The following CCR3 variants were observed in gnomAD, a reference collection of about 807,000 sequenced individuals.
The protein encoded by CCR3 is C-C chemokine receptor type 3.
For synonymous variants in CCR3, 203 were observed against 179.2 expected (o/e 1.13, Z -1.06); for missense variants, 419 against 437.5 (o/e 0.96, Z 0.38).
At chr3:46,241,524 C>A (rs1700085393), upstream of CCR3, among the ~76,000 whole-genome samples, 1 of 152,224 alleles carries the variant, frequency 6.6e-6, no homozygotes, top group Non-Finnish European at 1.5e-5. Flanking sequence ...TCTACCCACA[C>A]TTTACATTTC....
chr3:46,223,921 A>G (rs899499696), intron 2 of CCR3, among the ~76,000 whole-genome samples: 5 of 152,138 alleles, frequency 3.3e-5, no homozygotes, highest in Admixed American at 6.5e-5. Context: ...GGTGTCGGTA[A>G]ATAGAGTCTC....
chr3:46,241,983 A>T (rs41372645), upstream of CCR3, among the ~76,000 whole-genome samples: 1 of 152,082 alleles, frequency 6.6e-6, no homozygotes, highest in Non-Finnish European at 1.5e-5. Context: ...AAATACAAAA[A>T]TTAGCCAGGC....
chr3:46,246,981 A>G, intron 1 of CCR3, among the ~76,000 whole-genome samples: 1 of 152,046 alleles, frequency 6.6e-6, no homozygotes, highest in Non-Finnish European at 1.5e-5. Flanking sequence ...TGGCCTGGAT[A>G]TGGTTTTGTA....
intron 1 of CCR3, chr3:46,263,884 G>A (rs950189138): frequency 6.5e-6 from 1 of 154,638 alleles, no homozygotes; most frequent in Non-Finnish European, 1.4e-5. Flanking sequence ...CTATTAAGAA[G>A]CAAAAACAAT....
At chr3:46,242,963 G>GTATATATATATATATACACACATATA (rs1700112348) in intron 1 of CCR3, among the ~76,000 whole-genome samples, 2 of 86,298 alleles carry the variant, frequency 2.3e-5, no homozygotes, top group Non-Finnish European at 4.4e-5. Context: ...ATATATATGT[G>GTATATATATATATATACACACATATA]TATATATATA....
At chr3:46,238,118 G>A (rs1028039047), upstream of CCR3, among the ~76,000 whole-genome samples, 1 of 152,120 alleles carries the variant, frequency 6.6e-6, no homozygotes. Flanking sequence ...AACAAATAAT[G>A]AGCTGCTTTG....
intron 2 of CCR3, among the ~76,000 whole-genome samples, chr3:46,219,115 A>C (rs1426408433): frequency 6.6e-6 from 1 of 152,208 alleles, no homozygotes; most frequent in Non-Finnish European, 1.5e-5. Flanking sequence ...GATCTGATAA[A>C]GGAATTCAGT....
chr3:46,246,786 G>A (rs1357344263), intron 1 of CCR3, among the ~76,000 whole-genome samples: 2 of 152,076 alleles, frequency 1.3e-5, no homozygotes, highest in Non-Finnish European at 2.9e-5. Flanking sequence ...TGTTGGGGTG[G>A]CGAAAATTTT....
rs747401034 is a variant in CCR3 at position 46,264,342 on chromosome 3, G to A, written c.-11-806G>A. Reference sequence around the variant, plus strand: ...GTAATTATTGTAATAGTTAATTACTGTGATTGTACATGTGTAACAGACAAA... The same window carrying A: ...GTAATTATTGTAATAGTTAATTACTATGATTGTACATGTGTAACAGACAAA... On this transcript the variant is annotated intron_variant, in intron 1 of 1. Transcript: ENST00000395940. 1.0e-4 allele frequency: 109 copies of A among 1,065,502 alleles called. No homozygotes were observed. The Middle Eastern group carries it at 1.6e-3, about 15-fold the overall frequency. The allele number at this position is 1,065,502 out of a possible 1,614,324, so 66.0% of individuals were successfully genotyped here. A position where few individuals can be genotyped will look rare whatever the true frequency, so the allele number is the denominator to read the frequency against.
At chr3:46,249,734 A>T (rs1005556367) in intron 1 of CCR3, among the ~76,000 whole-genome samples, 1 of 152,052 alleles carries the variant, frequency 6.6e-6, no homozygotes, top group African/African-American at 2.4e-5. Flanking sequence ...TGGTGGTCAG[A>T]TTTCTGGCAC....
chr3:46,218,006 A>T (rs1183498411), intron 2 of CCR3, among the ~76,000 whole-genome samples: 3 of 151,516 alleles, frequency 2.0e-5, no homozygotes, highest in African/African-American at 7.3e-5. Flanking sequence ...AAAAAAAAAT[A>T]CAAAAGCTAA....
At chr3:46,248,921 AG>A (rs1700252470) in intron 1 of CCR3, among the ~76,000 whole-genome samples, 1 of 152,192 alleles carries the variant, frequency 6.6e-6, no homozygotes, top group Admixed American at 6.5e-5. Flanking sequence ...CTAACTTGTA[AG>A]GCTTGTCTGG....
chr3:46,212,369 G>A (rs1305547666), intron 2 of CCR3, among the ~76,000 whole-genome samples: 1 of 152,190 alleles, frequency 6.6e-6, no homozygotes, highest in Non-Finnish European at 1.5e-5. Context: ...ACCAAAGTCA[G>A]ATTGGTTACT....
chr3:46,255,879 G>A (rs749622381), intron 1 of CCR3, among the ~76,000 whole-genome samples: 4 of 151,866 alleles, frequency 2.6e-5, no homozygotes, highest in Non-Finnish European at 5.9e-5. Flanking sequence ...CTTTGGCAAT[G>A]TGGGCTCTTT....
At chr3:46,230,955 C>T (rs190030597) in intron 2 of CCR3, among the ~76,000 whole-genome samples, 10 of 152,262 alleles carry the variant, frequency 6.6e-5, no homozygotes, top group Admixed American at 3.9e-4. Flanking sequence ...GAAGGTGTCT[C>T]GCTCTGTCGT....
chr3:46,217,933 GA>G (rs1414066128), intron 2 of CCR3, among the ~76,000 whole-genome samples: 2 of 150,556 alleles, frequency 1.3e-5, no homozygotes, highest in Non-Finnish European at 3.0e-5. Context: ...AATCAAACCT[GA>G]ACCAAGCAGA....
intron 1 of CCR3, among the ~76,000 whole-genome samples, chr3:46,257,162 A>C (rs1700443273): frequency 6.6e-6 from 1 of 152,206 alleles, no homozygotes; most frequent in Non-Finnish European, 1.5e-5. Flanking sequence ...AGTGATACAC[A>C]ATTGAGTAAC....
chr3:46,230,682 C>T (rs1056233034), intron 2 of CCR3, among the ~76,000 whole-genome samples: 3 of 152,158 alleles, frequency 2.0e-5, no homozygotes, highest in South Asian at 2.1e-4. Flanking sequence ...GCCCAGCCCC[C>T]TCTGACGATG....
chr3:46,242,970 T>C (rs1466089620), intron 1 of CCR3, among the ~76,000 whole-genome samples: 1 of 106,102 alleles, frequency 9.4e-6, no homozygotes, highest in African/African-American at 3.6e-5. Context: ...TGTGTATATA[T>C]ATATATATAC....
Sources: gnomAD v4.1 joint callset for allele counts (sites outside exome capture counted in the v4.1 genomes callset) on GRCh38, gnomAD v4.1.1 for gene constraint, MANE v1.5 for transcripts, NCBI Gene and HGNC (gene_info 2026-07-23, HGNC 2026-07-21) for gene names.